The following SF3B3 variants were observed in gnomAD, a reference collection of about 807,000 sequenced individuals.
The protein encoded by SF3B3 is splicing factor 3b subunit 3.
Under a neutral mutation model 139.2 loss-of-function variants are expected in SF3B3, and 33 were observed. The observed-to-expected ratio is 0.24, with a 90% CI of 0.18 to 0.32. SF3B3 has a LOEUF of 0.32. Among genes scored for constraint, SF3B3 ranks in the 10% least tolerant of loss-of-function variants. The pLI is 1.00. For synonymous variants in SF3B3, 596 were observed against 563.6 expected (o/e 1.06, Z -0.81); for missense variants, 818 against 1,509.4 (o/e 0.54, Z 7.59).
chr16:70,539,535 C>T (rs989561321), intron 8 of SF3B3, among the ~76,000 whole-genome samples: 6 of 141,618 alleles, frequency 4.2e-5, no homozygotes, highest in African/African-American at 1.3e-4. Flanking sequence ...GTAACAAGAG[C>T]GAAACTCTCT....
chr16:70,525,833 C>T (rs1307284728), intron 1 of SF3B3, among the ~76,000 whole-genome samples: 12 of 151,438 alleles, frequency 7.9e-5, no homozygotes, highest in Admixed American at 6.6e-4. Context: ...TGGTGGCGGG[C>T]GCCTGTTGTC....
chr16:70,558,631 CTGTTG>C (rs1035405481), intron 15 of SF3B3, among the ~76,000 whole-genome samples: 3 of 152,248 alleles, frequency 2.0e-5, no homozygotes, highest in African/African-American at 4.8e-5. Context: ...GAGTCTTGCT[CTGTTG>C]CCCAGGCTGG....
chr16:70,562,984 C>A (rs984876755), intron 17 of SF3B3, among the ~76,000 whole-genome samples: 9 of 152,076 alleles, frequency 5.9e-5, no homozygotes, highest in Admixed American at 3.3e-4. Flanking sequence ...CGCATGCCAT[C>A]ATGCCTGGCT....
chr16:70,563,636 T>C (rs2050449616), intron 17 of SF3B3: 1 of 423,322 alleles, frequency 2.4e-6, no homozygotes, highest in Non-Finnish European at 4.2e-6. Flanking sequence ...TGTGTTTCAT[T>C]GGTAGGAACT....
intron 10 of SF3B3, among the ~76,000 whole-genome samples, chr16:70,546,129 G>A (rs2050266124): frequency 6.6e-6 from 1 of 152,120 alleles, no homozygotes; most frequent in African/African-American, 2.4e-5. Flanking sequence ...ATCACGCTTG[G>A]CTAATTTATT....
chr16:70,550,844 A>G (rs576512037), intron 11 of SF3B3, among the ~76,000 whole-genome samples: 1 of 152,324 alleles, frequency 6.6e-6, no homozygotes, highest in African/African-American at 2.4e-5. Flanking sequence ...TGTGCATCAG[A>G]TGGTCTGAGG....
chr16:70,527,007 T>C, intron 2 of SF3B3: 1 of 486,542 alleles, frequency 2.1e-6, no homozygotes, highest in Admixed American at 3.9e-5. Flanking sequence ...TAAGACATAC[T>C]GAGATGTGTA....
At chr16:70,543,741 G>A (rs1305210330) in intron 9 of SF3B3, among the ~76,000 whole-genome samples, 1 of 151,920 alleles carries the variant, frequency 6.6e-6, no homozygotes, top group African/African-American at 2.4e-5. Context: ...TGAATGGGAA[G>A]TTAAAGTGTG....
rs1290997908 is a variant in SF3B3 at position 70,564,016 on chromosome 16, C to T, written c.2429C>T (p.Ala810Val). The change falls in exon 18 of 26, where the codon GCC becomes GTC. Residue 810 changes from alanine (A) to valine (V), a missense_variant. This residue lies in a region of SF3B3 where 34 missense variants were observed against 30.5 expected (regional missense o/e 1.12). Transcript: ENST00000302516. ...IETDHNAYTE[A>V]TKAQRKQQMA... is the part of the protein sequence containing the mutation. Reference sequence around the variant, plus strand: ...ACGGACCACAATGCCTACACTGAGGCCACGAAAGCTCAGAGAAAGCAGCAG... The same window carrying T: ...ACGGACCACAATGCCTACACTGAGGTCACGAAAGCTCAGAGAAAGCAGCAG... 10 of 1,614,048 alleles carry T rather than the reference C, an allele frequency of 6.2e-6. No individual in the cohort carries two copies. Among genetic ancestry groups the T allele is most frequent in the Middle Eastern group, 1.6e-4 (1 of 6,062 alleles).
Position 70,555,109 on chromosome 16 carries a change from C to G in SF3B3, c.1613C>G (p.Thr538Ser), listed in dbSNP as rs2151788964. ...GACAAGAGAGTCAATGAGTGGAAGA[C>G]CCCTGGAAAGAAAACAATTGTGAAG... ...RADKRVNEWK[T>S]PGKKTIVKCA... Residue 538 changes from threonine to serine, a missense_variant, in exon 13 of 26, where the codon ACC becomes AGC. By Grantham distance (58) the Thr-to-Ser change is moderately conservative (BLOSUM62 1). Coordinates refer to ENST00000302516, the MANE Select transcript of SF3B3 (RefSeq NM_012426.5). The G allele has an allele frequency of 6.2e-7, 1 of 1,614,064 alleles. No homozygotes were observed. Among genetic ancestry groups the G allele is most frequent in the Non-Finnish European group, 8.5e-7 (1 of 1,179,956 alleles).
intron 17 of SF3B3, 79 bp downstream of exon 17, chr16:70,561,863 G>A (rs2050432186): frequency 7.5e-7 from 1 of 1,328,266 alleles, no homozygotes; most frequent in African/African-American, 1.4e-5. Context: ...GAGTGTTGGA[G>A]GAGGCTGTGA....
rs1456720782 is a variant in SF3B3 at position 70,571,118 on chromosome 16, G to A, written c.3432G>A (p.Val1144=). ...AGGACCATGACTTCTTCCAGCATGT[G>A]GAAATGCACCTGCGGTCTGAACATC... ...SHEDHDFFQH[V]EMHLRSEHPP... Residue 1144 remains valine (V), a synonymous_variant, in exon 25 of 26, where the codon GTG becomes GTA. Transcript: ENST00000302516. The A allele has an allele frequency of 2.5e-6, 4 of 1,613,982 alleles. No homozygotes were observed. The highest frequency in any genetic ancestry group is 3.4e-6 in the Non-Finnish European group (4 of 1,179,920).
intron 2 of SF3B3, among the ~76,000 whole-genome samples, chr16:70,528,431 C>T (rs1254524775): frequency 2.8e-5 from 4 of 144,344 alleles, no homozygotes; most frequent in African/African-American, 1.0e-4. Flanking sequence ...TCCCAAAGTG[C>T]TGGGATAACA....
At chr16:70,559,447 G>A (rs1328834889) in intron 15 of SF3B3, among the ~76,000 whole-genome samples, 3 of 152,078 alleles carry the variant, frequency 2.0e-5, no homozygotes, top group Non-Finnish European at 4.4e-5. Context: ...AGCGCTTTGC[G>A]AGGCTGAGGT....
rs759515805 is a variant in SF3B3, at chr16:70,569,065, A to G, written c.3188A>G (p.Asn1063Ser). ...ICVVRLPPNT[N>S]DEVDEDPTGN... is the part of the protein sequence containing the mutation. Reference sequence around the variant, plus strand: ...TAGGTGAGGCTCCCACCTAACACCAATGATGAAGTAGATGAGGATCCTACA... The same window carrying G: ...TAGGTGAGGCTCCCACCTAACACCAGTGATGAAGTAGATGAGGATCCTACA... The change falls in exon 23 of 26, where the codon AAT becomes AGT. Residue 1063 changes from asparagine to serine, a missense_variant. Around this residue, in one of 14 missense-constraint regions of SF3B3, gnomAD observed 91 missense variants for 171.8 expected, o/e 0.53. Transcript: ENST00000302516. 1.1e-5 allele frequency: 17 copies of G among 1,611,090 alleles called. No homozygotes were observed. The highest frequency in any genetic ancestry group is 3.3e-5 in the Admixed American group (2 of 59,796).
At chr16:70,545,112 T>G (rs1382465091) in intron 10 of SF3B3, among the ~76,000 whole-genome samples, 2 of 152,232 alleles carry the variant, frequency 1.3e-5, no homozygotes, top group African/African-American at 4.8e-5. Flanking sequence ...TCTCCCATGC[T>G]GGAGTGCAGT....
In SF3B3 at chr16:70,561,611, GTTTT is replaced by G. The variant is rs746103431; in HGVS notation, c.2134-12_2134-9del. The G allele has an allele frequency of 2.7e-6, 4 of 1,470,088 alleles. No individual in the cohort carries two copies. Among genetic ancestry groups the G allele is most frequent in the Non-Finnish European group, 3.7e-6 (4 of 1,076,720 alleles). The allele number at this position is 1,470,088 out of a possible 1,614,324, so 91.1% of individuals were successfully genotyped here. ...TTTTCCCAAACCTTATTGGAGCTGG[GTTTT>G]TTTTTTCCCCTCAGGTATTGGCCAT... On this transcript the variant is annotated splice_polypyrimidine_tract_variant and intron_variant, in intron 16 of 25. Transcript: ENST00000302516.
chr16:70,545,138 C>CA (rs2050255640), intron 10 of SF3B3, among the ~76,000 whole-genome samples: 1 of 152,156 alleles, frequency 6.6e-6, no homozygotes, highest in African/African-American at 2.4e-5. Context: ...CATCATGGCT[C>CA]ACTGCAGCCT....
chr16:70,549,866 A>G (rs1401255521), intron 11 of SF3B3, among the ~76,000 whole-genome samples: 1 of 152,196 alleles, frequency 6.6e-6, no homozygotes, highest in African/African-American at 2.4e-5. Flanking sequence ...CGGAGGTTGC[A>G]GTGAGCCGAG....
Sources: gnomAD v4.1 joint callset for allele counts (sites outside exome capture counted in the v4.1 genomes callset) on GRCh38, gnomAD v4.1.1 for gene constraint, gnomAD v4.1.1 regional missense constraint, MANE v1.5 for transcripts, NCBI Gene and HGNC (gene_info 2026-07-23, HGNC 2026-07-21) for gene names.